The following VAV2 variants were observed in gnomAD, a reference collection of about 807,000 sequenced individuals.
VAV2 encodes vav guanine nucleotide exchange factor 2.
In VAV2, 67 loss-of-function variants were observed where a neutral mutation model predicts 132.5. That is an observed-to-expected ratio of 0.51 (90% CI 0.42 to 0.62). The LOEUF (loss-of-function observed/expected upper bound fraction) is 0.62, where lower values mean the gene tolerates loss of function less well. VAV2 is among the 20% of genes least tolerant of loss of function. The pLI, the probability that VAV2 is intolerant of heterozygous loss-of-function variation, is 0.00. For synonymous variants in VAV2, 492 were observed against 443.5 expected, an observed-to-expected ratio of 1.11 and a Z score of -1.37; for missense variants, 938 against 1,153.6, an observed-to-expected ratio of 0.81 and a Z score of 2.71.
rs1305253853 is a variant in VAV2, at chr9:133,928,734, C to A, written c.321+10369G>T. 6.6e-6 allele frequency among the ~76,000 whole-genome samples: 1 copy of A among 152,180 alleles called. No homozygotes were observed. Among genetic ancestry groups the A allele is most frequent in the Admixed American group, 6.5e-5 (1 of 15,284 alleles). Reference sequence around the variant, plus strand: ...TTCTCCCCTGGCCAGACAGAGCCTGCGGGACACATTCATCAACGCAGATGT... The same window carrying A: ...TTCTCCCCTGGCCAGACAGAGCCTGAGGGACACATTCATCAACGCAGATGT... On this transcript the variant is annotated intron_variant, in intron 2 of 29. Coordinates refer to ENST00000371850, the MANE Select transcript of VAV2 (RefSeq NM_001134398.2). This position sits in a 1 kb window ranked among gnomAD's most constrained non-coding sequence, Gnocchi z 5.4.
chr9:133,809,612 T>C (rs781669355), intron 6 of VAV2, among the ~76,000 whole-genome samples: 1 of 152,228 alleles, frequency 6.6e-6, no homozygotes, highest in Non-Finnish European at 1.5e-5. Flanking sequence ...TACAGCCACC[T>C]GCAGGCTGGA....
intron 23 of VAV2, among the ~76,000 whole-genome samples, chr9:133,776,991 C>G (rs1027725983): frequency 1.3e-5 from 2 of 152,190 alleles, no homozygotes; most frequent in African/African-American, 4.8e-5. Context: ...AGCATAAAGT[C>G]TAGCTTTGAA....
chr9:133,875,874 G>C (rs185210526), intron 2 of VAV2, among the ~76,000 whole-genome samples: 3 of 152,240 alleles, frequency 2.0e-5, no homozygotes, highest in Non-Finnish European at 2.9e-5. Context: ...CAGCATCTGA[G>C]TCGGCAGCCG....
intron 4 of VAV2, among the ~76,000 whole-genome samples, chr9:133,813,114 C>T (rs1027250033): frequency 6.6e-6 from 1 of 152,230 alleles, no homozygotes; most frequent in East Asian, 1.9e-4. Flanking sequence ...TTCCCACAGG[C>T]CCCGTTGGGG....
At position 133,802,669 on chromosome 9, in the gene VAV2, G is replaced by A. The variant is rs536845302; in HGVS notation, c.836+3412C>T. On this transcript the variant is annotated intron_variant, in intron 9 of 29. Coordinates refer to ENST00000371850, the MANE Select transcript of VAV2 (RefSeq NM_001134398.2). The surrounding 1 kb of genome is among the most constrained non-coding windows in gnomAD (Gnocchi z 5.8). ...TCATGTTTTTTAACTTTCTGAGTAC[G>A]TCAAATTCTGAACCCACCACACGGT... 4.6e-5 allele frequency among the ~76,000 whole-genome samples: 7 copies of A among 152,260 alleles called. No homozygotes were observed. The East Asian group carries it at 7.7e-4, about 17-fold the overall frequency.
chr9:133,827,190 C>A, intron 4 of VAV2, among the ~76,000 whole-genome samples: 2 of 150,634 alleles, frequency 1.3e-5, no homozygotes, highest in African/African-American at 2.5e-5. Context: ...CCCACTGGGG[C>A]TGACCACTGA....
rs542119735 is a variant in VAV2, at chr9:133,909,176, C to T, written c.321+29927G>A. Among the ~76,000 whole-genome samples the T allele has an allele frequency of 5.9e-5, 9 of 151,656 alleles. No homozygotes were observed. The South Asian group carries it at 1.2e-3, about 21-fold the overall frequency. ...GATGAAGATGGTTATTGACTCATTC[C>T]GAGAACTGTCTCCCGGTGGAGACAA... On this transcript the variant is annotated intron_variant, in intron 2 of 29. Transcript: ENST00000371850.
chr9:133,880,861 G>A (rs564091428), intron 2 of VAV2, among the ~76,000 whole-genome samples: 17 of 152,360 alleles, frequency 1.1e-4, no homozygotes, highest in African/African-American at 3.8e-4. Flanking sequence ...TGGGCAGCAG[G>A]TCAGCTTCTG....
intron 1 of VAV2, among the ~76,000 whole-genome samples, chr9:133,954,572 C>T (rs934246462): frequency 1.3e-5 from 2 of 152,198 alleles, no homozygotes; most frequent in African/African-American, 4.8e-5. Flanking sequence ...CTGGGGGGAG[C>T]GGGAGCTGTG....
Position 133,918,947 on chromosome 9 carries a change from G to T in VAV2, c.321+20156C>A, listed in dbSNP as rs1158501028. Among the ~76,000 whole-genome samples, 2 of 152,068 alleles carry T rather than the reference G, an allele frequency of 1.3e-5. No homozygotes were observed. Among genetic ancestry groups the T allele is most frequent in the Non-Finnish European group, 2.9e-5 (2 of 67,994 alleles). On this transcript the variant is annotated intron_variant, in intron 2 of 29. Coordinates refer to ENST00000371850, the MANE Select transcript of VAV2 (RefSeq NM_001134398.2). This position sits in a 1 kb window ranked among gnomAD's most constrained non-coding sequence, Gnocchi z 4.7. Reference sequence around the variant, plus strand: ...TGCACCACCACACCAGGCTAATTTTGTATTTTTAGTAGAGACGGGGTTTCA... The same window carrying T: ...TGCACCACCACACCAGGCTAATTTTTTATTTTTAGTAGAGACGGGGTTTCA...
At chr9:133,920,068 T>C (rs1343400483) in intron 2 of VAV2, among the ~76,000 whole-genome samples, 1 of 152,116 alleles carries the variant, frequency 6.6e-6, no homozygotes, top group Non-Finnish European at 1.5e-5. Context: ...CACGGGGAAC[T>C]GACAGGTACT....
intron 10 of VAV2, among the ~76,000 whole-genome samples, chr9:133,797,449 A>G (rs1412967623): frequency 6.6e-6 from 1 of 152,186 alleles, no homozygotes; most frequent in Non-Finnish European, 1.5e-5. Context: ...CAGAGCCCCC[A>G]GCTGAGTCAG....
chr9:133,777,044 G>A (rs910931078), intron 23 of VAV2, among the ~76,000 whole-genome samples: 8 of 152,256 alleles, frequency 5.3e-5, no homozygotes, highest in Middle Eastern at 3.4e-3. Flanking sequence ...CTAAGGCTGC[G>A]CAATAGTCCA....
At chr9:133,861,228 C>T (rs573028073) in intron 3 of VAV2, 146 bp downstream of exon 3, 4 of 846,012 alleles carry the variant, frequency 4.7e-6, no homozygotes, top group East Asian at 6.4e-5. Context: ...CAGCCGCCAA[C>T]GGGTTACGCG....
intron 1 of VAV2, among the ~76,000 whole-genome samples, chr9:133,980,896 T>C (rs1588216938): frequency 6.6e-6 from 1 of 150,562 alleles, no homozygotes; most frequent in Non-Finnish European, 1.5e-5. Context: ...AACAACCACC[T>C]GTCTCCAACC....
At chr9:133,933,959 GA>G (rs1564477617) in intron 2 of VAV2, among the ~76,000 whole-genome samples, 14 of 150,202 alleles carry the variant, frequency 9.3e-5, no homozygotes, top group African/African-American at 3.4e-4. Flanking sequence ...ATGGTGGATG[GA>G]TGGATGAATG....
chr9:133,889,500 G>A (rs908166443), intron 2 of VAV2, among the ~76,000 whole-genome samples: 1 of 152,290 alleles, frequency 6.6e-6, no homozygotes, highest in Admixed American at 6.5e-5. Flanking sequence ...AAGACTAAGG[G>A]ATGCTTGGGA....
In VAV2 at chr9:133,935,586, T is replaced by C. The variant is rs1487543021; in HGVS notation, c.321+3517A>G. ...CGCAGGGAGGAGCTGGGCTTTTGCT[T>C]GTGTTTTGTTTTTCCAGAACACCTG... On this transcript the variant is annotated intron_variant, in intron 2 of 29. Transcript: ENST00000371850. The surrounding 1 kb of genome is among the most constrained non-coding windows in gnomAD (Gnocchi z 5.2). Among the ~76,000 whole-genome samples, 1 of 152,124 alleles carries C rather than the reference T, an allele frequency of 6.6e-6. No individual in the cohort carries two copies. Among genetic ancestry groups the C allele is most frequent in the Non-Finnish European group, 1.5e-5 (1 of 68,036 alleles).
chr9:133,913,257 A>G (rs2810504), intron 2 of VAV2, among the ~76,000 whole-genome samples: 148,877 of 152,282 alleles, frequency 0.98, 72,864 homozygotes, highest in Middle Eastern at 1. Context: ...CACGGCCCCC[A>G]TGAGAAGGAC....
Sources: gnomAD v4.1 joint callset for allele counts (sites outside exome capture counted in the v4.1 genomes callset) on GRCh38, gnomAD v4.1.1 for gene constraint, Gnocchi (gnomAD v3.1) non-coding constraint, MANE v1.5 for transcripts, NCBI Gene and HGNC (gene_info 2026-07-23, HGNC 2026-07-21) for gene names.